BRSK2: variants seen among roughly 807,000 people sequenced by gnomAD.
BRSK2 encodes BR serine/threonine kinase 2.
BRSK2 carries 19 observed loss-of-function variants against 83.3 expected under a neutral mutation model. The observed-to-expected ratio is 0.23, with a 90% CI of 0.16 to 0.33. The LOEUF is 0.33. Among genes scored for constraint, BRSK2 ranks in the 10% least tolerant of loss-of-function variants. The pLI, the probability that BRSK2 is intolerant of heterozygous loss-of-function variation, is 1.00. For missense variants in BRSK2, 798 were observed against 1,042.3 expected, an observed-to-expected ratio of 0.77 and a Z score of 3.23; for synonymous variants, 519 against 435.4, an observed-to-expected ratio of 1.19 and a Z score of -2.39.
intron 1 of BRSK2, among the ~76,000 whole-genome samples, chr11:1,407,865 T>C (rs905228289): frequency 5.9e-5 from 9 of 152,186 alleles, no homozygotes; most frequent in African/African-American, 1.7e-4. Context: ...GGCTGTTTGC[T>C]GCTCCATTTG....
chr11:1,446,279 G>A (rs75480703), intron 12 of BRSK2, among the ~76,000 whole-genome samples: 4,644 of 146,382 alleles, frequency 0.032, 183 homozygotes, highest in African/African-American at 0.098. Flanking sequence ...TAGGGTGGGC[G>A]GGGCTGGGCT....
Position 1,450,664 on chromosome 11 carries a change from C to T in BRSK2, c.1365C>T (p.Ser455=), listed in dbSNP as rs1351391456. 5 of 1,609,454 alleles carry T rather than the reference C, an allele frequency of 3.1e-6. No homozygotes were observed. The South Asian group carries it at 5.5e-5, about 18-fold the overall frequency. ...KGTPVHTPKE[S]PAGTPNPTPP... Reference sequence around the variant, plus strand: ...CACCTGTCCACACGCCAAAGGAGAGCCCGGCTGGCACGCCCAACCCCACGC... The same window carrying T: ...CACCTGTCCACACGCCAAAGGAGAGTCCGGCTGGCACGCCCAACCCCACGC... The change falls in exon 14 of 20, where the codon AGC becomes AGT. Residue 455 remains serine, a synonymous_variant. Transcript: ENST00000528841.
At position 1,436,150 on chromosome 11, in the gene BRSK2, GAGGGAGGCGGGGCCGGCGGT is replaced by G; in HGVS notation, c.186+17_186+36del. The G allele has an allele frequency of 2.1e-6, 2 of 944,612 alleles. No homozygotes were observed. The highest frequency in any genetic ancestry group is 2.9e-5 in the Admixed American group (1 of 34,650). 58.5% of individuals were successfully genotyped at this position (944,612 alleles called of 1,614,324 possible). On this transcript the variant is annotated intron_variant, in intron 2 of 19. Coordinates refer to ENST00000528841, the MANE Select transcript of BRSK2 (RefSeq NM_001256627.2). ...GCTGATGAAGGTGGGTGGGGCCGGG[GAGGGAGGCGGGGCCGGCGGT>G]GGGGTGGGGCGGGGAATAGCACAGG... is the stretch of plus-strand genomic sequence containing the variant.
chr11:1,454,746 T>TGTCCAGTGAAGGC lies in BRSK2; in HGVS notation c.1668+139_1668+140insTCCAGTGAAGGCG. Reference sequence around the variant, plus strand: ...ACGTCCGCTCACCCGTGGGCCTGCCTGGCCGCCTTCACTGGACAGGCGCTC... The same window carrying TGTCCAGTGAAGGC: ...ACGTCCGCTCACCCGTGGGCCTGCCTGTCCAGTGAAGGCGGCCGCCTTCACTGGACAGGCGCTC... On this transcript the variant is annotated intron_variant, in intron 16 of 19. Coordinates refer to ENST00000528841, the MANE Select transcript of BRSK2 (RefSeq NM_001256627.2). The surrounding 1 kb of genome is among the most constrained non-coding windows in gnomAD (Gnocchi z 5.2). 8.5e-7 allele frequency: 1 copy of TGTCCAGTGAAGGC among 1,173,422 alleles called. No homozygotes were observed. The highest frequency in any genetic ancestry group is 1.2e-6 in the Non-Finnish European group (1 of 846,924). The allele number at this position is 1,173,422 out of a possible 1,614,324, so 72.7% of individuals were successfully genotyped here.
intron 16 of BRSK2, among the ~76,000 whole-genome samples, chr11:1,455,617 C>T (rs182882097): frequency 2.0e-5 from 3 of 152,196 alleles, no homozygotes; most frequent in African/African-American, 7.2e-5. Flanking sequence ...TCAGACTGCA[C>T]TTGGACCCTG....
In BRSK2 at chr11:1,442,454, ACTGGCCCTGTTCAGCCTCACCACCCTC is replaced by A; in HGVS notation, c.414-33_414-7del. On this transcript the variant is annotated splice_polypyrimidine_tract_variant and intron_variant, in intron 4 of 19. Coordinates refer to ENST00000528841, the MANE Select transcript of BRSK2 (RefSeq NM_001256627.2). Reference sequence around the variant, plus strand: ...GGGCGGGGAGGCGCTCAAGGCAGAGACTGGCCCTGTTCAGCCTCACCACCCTCCTCCCCAGCCACAGGGATCTGAAAC... The same window carrying A: ...GGGCGGGGAGGCGCTCAAGGCAGAGACTCCCCAGCCACAGGGATCTGAAAC... 7.8e-6 allele frequency: 12 copies of A among 1,547,442 alleles called. No homozygotes were observed. Among genetic ancestry groups the A allele is most frequent in the Non-Finnish European group, 1.1e-5 (12 of 1,121,492 alleles).
At chr11:1,460,416 C>T (rs1385187074) in intron 19 of BRSK2, 84 bp from the exon 20 acceptor site, 3 of 835,936 alleles carry the variant, frequency 3.6e-6, no homozygotes, top group Non-Finnish European at 4.9e-6. Flanking sequence ...CTTTCTCTCT[C>T]CTTCCCTCCC....
Position 1,454,469 on chromosome 11 carries a change from GT to G in BRSK2, c.1545-15del. On this transcript the variant is annotated splice_polypyrimidine_tract_variant and intron_variant, in intron 15 of 19. Coordinates refer to ENST00000528841, the MANE Select transcript of BRSK2 (RefSeq NM_001256627.2). This position sits in a 1 kb window ranked among gnomAD's most constrained non-coding sequence, Gnocchi z 5.2. ...CCACACCTCAATCCTCACAGCCTCT[GT>G]CTCCCACTGCCCAGGCTGGCGAAGA... 1 of 1,612,668 alleles carries G rather than the reference GT, an allele frequency of 6.2e-7. No homozygotes were observed. The highest frequency in any genetic ancestry group is 1.1e-5 in the South Asian group (1 of 91,054).
intron 15 of BRSK2, 82 bp downstream of exon 15, chr11:1,451,501 C>T: frequency 7.0e-7 from 1 of 1,429,438 alleles, no homozygotes; most frequent in Non-Finnish European, 9.8e-7. Context: ...CCCCTATGGC[C>T]AACGGGGTGC....
In BRSK2 at chr11:1,423,045, C is replaced by A. The variant is rs960745926; in HGVS notation, c.92-12995C>A. ...AGGGGAGGGCAATGCAGCTTGGGAGCCTTAGCTCAGCCAGACAGCAGCCCG... is the reference window on the plus strand; with the variant it reads ...AGGGGAGGGCAATGCAGCTTGGGAGACTTAGCTCAGCCAGACAGCAGCCCG... On this transcript the variant is annotated intron_variant, in intron 1 of 19. Transcript: ENST00000528841. This position sits in a 1 kb window ranked among gnomAD's most constrained non-coding sequence, Gnocchi z 6.5. Among the ~76,000 whole-genome samples the A allele has an allele frequency of 4.6e-5, 7 of 152,184 alleles. No homozygotes were observed. Among genetic ancestry groups the A allele is most frequent in the African/African-American group, 1.2e-4 (5 of 41,450 alleles).
At chr11:1,442,229 G>C (rs1851440740) in intron 4 of BRSK2, among the ~76,000 whole-genome samples, 1 of 151,958 alleles carries the variant, frequency 6.6e-6, no homozygotes, top group African/African-American at 2.4e-5. Context: ...TAGGGAGCAG[G>C]AGGGGGCAGG....
intron 1 of BRSK2, among the ~76,000 whole-genome samples, chr11:1,408,409 C>T (rs1037071955): frequency 6.6e-6 from 1 of 152,220 alleles, no homozygotes; most frequent in African/African-American, 2.4e-5. Context: ...GCAGCAGCCA[C>T]GGGAGAACTG....
At chr11:1,421,945 CGGGAGAGA>C (rs1320398250) in intron 1 of BRSK2, among the ~76,000 whole-genome samples, 1 of 81,544 alleles carries the variant, frequency 1.2e-5, no homozygotes, top group Non-Finnish European at 2.4e-5. Flanking sequence ...GACCAGGGCC[CGGGAGAGA>C]GGGGGCAGGT....
At chr11:1,402,510 T>G (rs575892767) in intron 1 of BRSK2, among the ~76,000 whole-genome samples, 2 of 152,284 alleles carry the variant, frequency 1.3e-5, no homozygotes, top group East Asian at 3.9e-4. Context: ...TGGTGCTGCG[T>G]GTAACCCTCT....
At position 1,438,297 on chromosome 11, in the gene BRSK2, C is replaced by T; in HGVS notation, c.187-9C>T. The T allele has an allele frequency of 1.2e-6, 2 of 1,613,760 alleles. No individual in the cohort carries two copies. Among genetic ancestry groups the T allele is most frequent in the Non-Finnish European group, 1.7e-6 (2 of 1,179,700 alleles). On this transcript the variant is annotated splice_polypyrimidine_tract_variant and intron_variant, in intron 2 of 19. Coordinates refer to ENST00000528841, the MANE Select transcript of BRSK2 (RefSeq NM_001256627.2). This position sits in a 1 kb window ranked among gnomAD's most constrained non-coding sequence, Gnocchi z 6.4. ...GTGAGCGTGATGTTCTCTGGCCTCT[C>T]CCATGCAGGTGGAGCGGGAGATCGC...
chr11:1,447,560 G>A (rs888670416), intron 12 of BRSK2, among the ~76,000 whole-genome samples: 15 of 152,332 alleles, frequency 9.8e-5, no homozygotes, highest in African/African-American at 3.6e-4. Flanking sequence ...GCCACACAGG[G>A]CTGCTGACTG....
intron 13 of BRSK2, among the ~76,000 whole-genome samples, chr11:1,450,366 A>G (rs879588189): frequency 6.6e-6 from 1 of 151,924 alleles, no homozygotes; most frequent in Admixed American, 6.5e-5. Context: ...CTGCGGCCCG[A>G]CCCCAAGACC....
At chr11:1,415,609 AT>A (rs1848018705) in intron 1 of BRSK2, among the ~76,000 whole-genome samples, 2 of 152,248 alleles carry the variant, frequency 1.3e-5, no homozygotes, top group Admixed American at 6.5e-5. Context: ...AGTCAGCCTC[AT>A]TTGGGTTTTT....
At chr11:1,453,463 C>T (rs1005608487) in intron 15 of BRSK2, among the ~76,000 whole-genome samples, 15 of 152,240 alleles carry the variant, frequency 9.9e-5, no homozygotes, top group African/African-American at 3.1e-4. Context: ...TTCCTGGCTC[C>T]AGGCCCTGGC....
Sources: allele counts gnomAD v4.1 joint callset (sites outside exome capture counted in the v4.1 genomes callset), GRCh38; gene constraint gnomAD v4.1.1; non-coding constraint Gnocchi (gnomAD v3.1); transcripts MANE v1.5; gene names NCBI Gene and HGNC (gene_info 2026-07-23, HGNC 2026-07-21).